The following LAT2 variants were observed in gnomAD, a reference collection of about 807,000 sequenced individuals.
The protein encoded by LAT2 is linker for activation of T cells family member 2, also known as linker for activation of T-cells family member 2.
A neutral mutation model predicts 43.4 loss-of-function variants in LAT2; 23 were observed. The observed-to-expected ratio is 0.53, with a 90% CI of 0.38 to 0.75. The LOEUF (loss-of-function observed/expected upper bound fraction) is 0.75. LAT2 is among the 30% of genes least tolerant of loss of function. The pLI is 0.00. For synonymous variants in LAT2, 128 were observed against 123.2 expected (o/e 1.04, Z -0.26); for missense variants, 284 against 310.2 (o/e 0.92, Z 0.64).
rs1802227964 is a variant in LAT2, at chr7:74,220,569, G to A, written c.266-15G>A. 1 of 1,613,856 alleles carries A rather than the reference G, an allele frequency of 6.2e-7. No individual in the cohort carries two copies. The highest frequency in any genetic ancestry group is 1.3e-5 in the African/African-American group (1 of 74,934). On this transcript the variant is annotated splice_polypyrimidine_tract_variant and intron_variant, in intron 7 of 13. Transcript: ENST00000460943. The surrounding 1 kb of genome is among the most constrained non-coding windows in gnomAD (Gnocchi z 4.5). ...GGGCCAGGGGAGAAAGCAATTAGCTGGGTCTTTCTTCCAGATCCAGCATCT... is the reference window on the plus strand; with the variant it reads ...GGGCCAGGGGAGAAAGCAATTAGCTAGGTCTTTCTTCCAGATCCAGCATCT...
At chr7:74,219,192 G>A (rs1380436042) in intron 4 of LAT2, among the ~76,000 whole-genome samples, 5 of 151,466 alleles carry the variant, frequency 3.3e-5, no homozygotes, top group South Asian at 2.1e-4. Context: ...GCCCGCCACC[G>A]CGCCCGGCTA....
intron 13 of LAT2, among the ~76,000 whole-genome samples, chr7:74,227,974 G>C (rs757131434): frequency 6.6e-6 from 1 of 150,906 alleles, no homozygotes; most frequent in African/African-American, 2.4e-5. Flanking sequence ...TCAGGAGTTC[G>C]AGACCATCCT....
intron 10 of LAT2, 150 bp downstream of exon 10, chr7:74,221,842 CG>C: frequency 1.4e-5 from 2 of 142,572 alleles, no homozygotes; most frequent in East Asian, 1.9e-4. Context: ...GTGCTGCAGG[CG>C]GGGGCCAAGA....
Position 74,221,711 on chromosome 7 carries a change from C to T in LAT2, c.388+19C>T. 6.2e-7 allele frequency: 1 copy of T among 1,602,592 alleles called. No individual in the cohort carries two copies. Among genetic ancestry groups the T allele is most frequent in the Non-Finnish European group, 8.5e-7 (1 of 1,175,264 alleles). On this transcript the variant is annotated intron_variant, in intron 10 of 13. Coordinates refer to ENST00000460943, the MANE Select transcript of LAT2 (RefSeq NM_032464.3). ...CCAGAAGGTGAGGCGAAGGACAAAG[C>T]CGGAGGTGGAGGAAGTGGTGTGGGA...
rs1429518197 is a variant in LAT2, at chr7:74,214,940, GGT to G, written c.-99_-98del. On this transcript the variant is annotated 5_prime_UTR_variant, in exon 2 of 14. Transcript: ENST00000460943. ...GGCGTGAGCCACCGCTCCTGGCCAG[GGT>G]CTGTTCCTAGTTGCAACAGTTCTTG... 6.6e-6 allele frequency: 1 copy of G among 150,592 alleles called. No homozygotes were observed. The highest frequency in any genetic ancestry group is 1.5e-5 in the Non-Finnish European group (1 of 67,778). 9.3% of individuals were successfully genotyped at this position (150,592 alleles called of 1,614,324 possible).
At chr7:74,213,296 C>A (rs1456469813) in intron 1 of LAT2, among the ~76,000 whole-genome samples, 3 of 149,240 alleles carry the variant, frequency 2.0e-5, no homozygotes, top group East Asian at 4.0e-4. Flanking sequence ...TTTTTGTATT[C>A]TTTTTTAGTA....
At chr7:74,214,241 A>AAT (rs1229910492) in intron 1 of LAT2, among the ~76,000 whole-genome samples, 2 of 69,654 alleles carry the variant, frequency 2.9e-5, no homozygotes, top group Admixed American at 2.3e-4. Context: ...TATATATGAA[A>AAT]ATATATATAT....
At chr7:74,224,294 G>A in intron 12 of LAT2, 97 bp downstream of exon 12, 6 of 1,313,438 alleles carry the variant, frequency 4.6e-6, no homozygotes, top group Non-Finnish European at 6.4e-6. Context: ...CCTCCAGCCA[G>A]TCCAGCTAAC....
chr7:74,220,818 A>ACCTCTCCC lies in LAT2; in HGVS notation c.332+87_332+88insCTCCCCCT. Reference sequence around the variant, plus strand: ...CCTGCCCCACCTCTCCCCCTGCCCCACCTGCCTGCCACAGCCCTGGGCTTC... The same window carrying ACCTCTCCC: ...CCTGCCCCACCTCTCCCCCTGCCCCACCTCTCCCCCTGCCTGCCACAGCCCTGGGCTTC... On this transcript the variant is annotated intron_variant, in intron 9 of 13. Coordinates refer to ENST00000460943, the MANE Select transcript of LAT2 (RefSeq NM_032464.3). This position sits in a 1 kb window ranked among gnomAD's most constrained non-coding sequence, Gnocchi z 4.5. 1.1e-6 allele frequency: 1 copy of ACCTCTCCC among 918,664 alleles called. No individual in the cohort carries two copies. Among genetic ancestry groups the ACCTCTCCC allele is most frequent in the Middle Eastern group, 4.5e-4 (1 of 2,242 alleles). The allele number at this position is 918,664 out of a possible 1,614,324, so 56.9% of individuals were successfully genotyped here. A position where few individuals can be genotyped will look rare whatever the true frequency, so the allele number is the denominator to read the frequency against.
At chr7:74,224,880 AG>A (rs1802430559) in intron 13 of LAT2, 120 bp downstream of exon 13, 1 of 716,948 alleles carries the variant, frequency 1.4e-6, no homozygotes, top group African/African-American at 1.8e-5. Context: ...TGGGGGCTAC[AG>A]GGTGCACCCA....
intron 12 of LAT2, among the ~76,000 whole-genome samples, 195 bp from the exon 13 acceptor site, chr7:74,224,444 C>G (rs192500242): frequency 6.6e-6 from 1 of 152,326 alleles, no homozygotes; most frequent in African/African-American, 2.4e-5. Context: ...CATGGAGTAA[C>G]GCATTCACCT....
In LAT2 at chr7:74,224,188, AAGGTCAT is replaced by A; in HGVS notation, c.620_626del (p.Lys207ArgfsTer26). On this transcript the variant is annotated frameshift_variant and splice_region_variant, in exon 12 of 14. Coordinates refer to ENST00000460943, the MANE Select transcript of LAT2 (RefSeq NM_032464.3). LOFTEE classifies it high-confidence loss of function. Reference sequence around the variant, plus strand: ...CATCCATCAGTGGCGCGAGTCCAGGAAGGTCATGGGTAGGTGGCCGGGAGAAGAGGCA... The same window carrying A: ...CATCCATCAGTGGCGCGAGTCCAGGAGGGTAGGTGGCCGGGAGAAGAGGCA... 1 of 1,613,508 alleles carries A rather than the reference AAGGTCAT, an allele frequency of 6.2e-7. No individual in the cohort carries two copies. The highest frequency in any genetic ancestry group is 8.5e-7 in the Non-Finnish European group (1 of 1,179,996).
At chr7:74,216,120 C>G (rs1271143584) in intron 3 of LAT2, 51 bp downstream of exon 3, 6 of 1,446,394 alleles carry the variant, frequency 4.1e-6, no homozygotes, top group Non-Finnish European at 5.7e-6. Context: ...GACAGTGCAT[C>G]TCAGAGGCCC....
intron 2 of LAT2, among the ~76,000 whole-genome samples, chr7:74,215,620 G>T (rs943737538): frequency 6.6e-6 from 1 of 152,208 alleles, no homozygotes; most frequent in Non-Finnish European, 1.5e-5. Context: ...TTTGTGAAAT[G>T]CAGTGAACCT....
intron 1 of LAT2, among the ~76,000 whole-genome samples, chr7:74,211,312 T>C (rs1554713107): frequency 6.6e-6 from 1 of 152,206 alleles, no homozygotes; most frequent in African/African-American, 2.4e-5. Context: ...AGTCTCACTC[T>C]GTTGTCCAGG....
Position 74,220,442 on chromosome 7 carries a change from G to A in LAT2, c.266-142G>A, listed in dbSNP as rs564286627. On this transcript the variant is annotated intron_variant, in intron 7 of 13. Transcript: ENST00000460943. The surrounding 1 kb of genome is among the most constrained non-coding windows in gnomAD (Gnocchi z 4.5). Reference sequence around the variant, plus strand: ...CCTGGCAGGGGGAGGGTGCACACTCGCACATGCCCCACTGAGGGGACAGGG... The same window carrying A: ...CCTGGCAGGGGGAGGGTGCACACTCACACATGCCCCACTGAGGGGACAGGG... 65 of 1,244,024 alleles carry A rather than the reference G, an allele frequency of 5.2e-5. No homozygotes were observed. Among genetic ancestry groups the A allele is most frequent in the South Asian group, 4.6e-4 (36 of 77,896 alleles). 77.1% of individuals were successfully genotyped at this position (1,244,024 alleles called of 1,614,324 possible). A position where few individuals can be genotyped will look rare whatever the true frequency, so the allele number is the denominator to read the frequency against.
chr7:74,221,759 C>A, intron 10 of LAT2, 67 bp downstream of exon 10: 1 of 1,394,942 alleles, frequency 7.2e-7, no homozygotes, highest in Non-Finnish European at 1.0e-6. Context: ...AGCCATACCT[C>A]CAGGCAGGAG....
chr7:74,211,142 A>G (rs1233733986), intron 1 of LAT2, among the ~76,000 whole-genome samples: 1 of 121,440 alleles, frequency 8.2e-6, no homozygotes, highest in Non-Finnish European at 1.7e-5. Flanking sequence ...CACCCCGCCC[A>G]GCCCTGCCGG....
rs1255900542 is a variant in LAT2 at position 74,223,738 on chromosome 7, T to C, written c.403T>C (p.Ser135Pro). 3 of 1,613,634 alleles carry C rather than the reference T, an allele frequency of 1.9e-6. No homozygotes were observed. In the African/African-American group the frequency reaches 4.0e-5, roughly 22 times the overall value. Residue 135 changes from serine to proline, a missense_variant, in exon 11 of 14, where the codon TCC becomes CCC. Coordinates refer to ENST00000460943, the MANE Select transcript of LAT2 (RefSeq NM_032464.3). ...SKPPEDDDAN[S>P]YENVLICKQK... ...CTCTCCTGCAGATGATGATGCCAATTCCTACGAGAATGTGCTCATTTGCAA... is the reference window on the plus strand; with the variant it reads ...CTCTCCTGCAGATGATGATGCCAATCCCTACGAGAATGTGCTCATTTGCAA...
Sources: gnomAD v4.1 joint callset for allele counts (sites outside exome capture counted in the v4.1 genomes callset) on GRCh38, gnomAD v4.1.1 for gene constraint, Gnocchi (gnomAD v3.1) non-coding constraint, MANE v1.5 for transcripts, NCBI Gene and HGNC (gene_info 2026-07-23, HGNC 2026-07-21) for gene names.